Variants in TCF7L1 observed in about 807,000 individuals in gnomAD.
TCF7L1 encodes transcription factor 7-like 1.
TCF7L1 carries 18 observed loss-of-function variants against 63.7 expected under a neutral mutation model. The ratio of observed to expected loss-of-function variants is 0.28; its 90% CI spans 0.20 to 0.42. The LOEUF (loss-of-function observed/expected upper bound fraction) is 0.42. TCF7L1 is among the 10% of genes least tolerant of loss of function. The pLI is 1.00. For synonymous variants in TCF7L1, 355 were observed against 340.9 expected, an observed-to-expected ratio of 1.04 and a Z score of -0.46; for missense variants, 654 against 779.3, an observed-to-expected ratio of 0.84 and a Z score of 1.91.
chr2:85,140,300 T>C (rs973967102), intron 3 of TCF7L1, among the ~76,000 whole-genome samples: 6 of 152,092 alleles, frequency 3.9e-5, no homozygotes, highest in Non-Finnish European at 7.4e-5. Context: ...CTCGGTTTCA[T>C]TGGAGACACG....
intron 3 of TCF7L1, among the ~76,000 whole-genome samples, chr2:85,178,531 G>T (rs1318143058): frequency 6.6e-6 from 1 of 152,204 alleles, no homozygotes; most frequent in African/African-American, 2.4e-5. Context: ...TGTGTGGAAG[G>T]CAGCGGGGCT....
chr2:85,291,141 A>G lies in TCF7L1; in HGVS notation c.525+7563A>G, dbSNP rs921771339. On this transcript the variant is annotated intron_variant, in intron 4 of 11. Transcript: ENST00000282111. ...ATCCATGCTTCACAGCCCCAGTCTC[A>G]TTATCTGATCGTCCAGCCACACCAT... Among the ~76,000 whole-genome samples the G allele has an allele frequency of 3.2e-4, 49 of 152,308 alleles. 1 individual carries two copies. The highest frequency in any genetic ancestry group is 1.1e-3 in the African/African-American group (46 of 41,574).
intron 3 of TCF7L1, among the ~76,000 whole-genome samples, chr2:85,213,985 C>T (rs1211954911): frequency 6.6e-6 from 1 of 152,214 alleles, no homozygotes; most frequent in Non-Finnish European, 1.5e-5. Context: ...CAGTGGGATG[C>T]TCCTGCTGCC....
At chr2:85,308,485 C>T in intron 11 of TCF7L1, among the ~76,000 whole-genome samples, 1 of 57,348 alleles carries the variant, frequency 1.7e-5, no homozygotes, top group African/African-American at 6.4e-5. Flanking sequence ...CCCCCTCCTT[C>T]CCTCCCTTCC....
At chr2:85,139,947 G>A (rs774785950) in intron 3 of TCF7L1, among the ~76,000 whole-genome samples, 2 of 152,204 alleles carry the variant, frequency 1.3e-5, no homozygotes, top group Non-Finnish European at 1.5e-5. Context: ...GATAATGGTG[G>A]ATTGGAGGAC....
At chr2:85,194,287 G>A (rs1679102685) in intron 3 of TCF7L1, among the ~76,000 whole-genome samples, 2 of 152,106 alleles carry the variant, frequency 1.3e-5, no homozygotes, top group East Asian at 1.9e-4. Context: ...CAGCACTTTG[G>A]GGAGGCCAAG....
chr2:85,171,481 T>C (rs1208414415), intron 3 of TCF7L1, among the ~76,000 whole-genome samples: 1 of 152,216 alleles, frequency 6.6e-6, no homozygotes, highest in Admixed American at 6.5e-5. Context: ...GAGAGCTTTG[T>C]GGTGTGTACT....
Position 85,256,566 on chromosome 2 carries a change from A to G in TCF7L1, c.442-26929A>G, listed in dbSNP as rs116469800. ...GTGGGGCCTTGTGTGTGTAGGCGGG[A>G]CACTGGGAGGGGTCGGCTCACAGCT... is the stretch of plus-strand genomic sequence containing the variant. On this transcript the variant is annotated intron_variant, in intron 3 of 11. Transcript: ENST00000282111. 8.9e-3 allele frequency among the ~76,000 whole-genome samples: 1,355 copies of G among 152,328 alleles called. 14 individuals are homozygous for G. Among genetic ancestry groups the G allele is most frequent in the African/African-American group, 0.031 (1,303 of 41,566 alleles).
intron 3 of TCF7L1, among the ~76,000 whole-genome samples, chr2:85,173,374 C>G (rs1358022853): frequency 6.6e-6 from 1 of 151,990 alleles, no homozygotes; most frequent in Admixed American, 6.6e-5. Context: ...CACAGCCTGA[C>G]AGGGAGCACT....
chr2:85,201,835 T>C (rs1268980566), intron 3 of TCF7L1, among the ~76,000 whole-genome samples: 1 of 152,218 alleles, frequency 6.6e-6, no homozygotes, highest in Non-Finnish European at 1.5e-5. Flanking sequence ...TGTAGTTTGG[T>C]TTACCTTTTC....
At chr2:85,192,381 C>G (rs1055458336) in intron 3 of TCF7L1, among the ~76,000 whole-genome samples, 3 of 152,060 alleles carry the variant, frequency 2.0e-5, no homozygotes, top group Non-Finnish European at 4.4e-5. Flanking sequence ...ACATGTAGAG[C>G]TCTAATTTTA....
chr2:85,163,403 T>C (rs1391213923), intron 3 of TCF7L1, among the ~76,000 whole-genome samples: 2 of 152,118 alleles, frequency 1.3e-5, no homozygotes, highest in African/African-American at 4.8e-5. Context: ...CTGGATTCCC[T>C]ATGCCCCTCC....
At chr2:85,277,772 G>A (rs745571984) in intron 3 of TCF7L1, among the ~76,000 whole-genome samples, 2 of 152,228 alleles carry the variant, frequency 1.3e-5, no homozygotes, top group South Asian at 2.1e-4. Context: ...GTGGGGAGCT[G>A]TGGATTCTGT....
intron 3 of TCF7L1, among the ~76,000 whole-genome samples, chr2:85,198,162 T>G (rs1416371210): frequency 6.6e-6 from 1 of 152,256 alleles, no homozygotes; most frequent in Non-Finnish European, 1.5e-5. Context: ...CATGTGGTAT[T>G]GCTGCGACTT....
chr2:85,211,671 C>A (rs1679548924), intron 3 of TCF7L1, among the ~76,000 whole-genome samples: 1 of 152,200 alleles, frequency 6.6e-6, no homozygotes, highest in Non-Finnish European at 1.5e-5. Context: ...AGGGGAGACC[C>A]CACATGGCAG....
Position 85,133,757 on chromosome 2 carries a change from G to C in TCF7L1, c.73G>C (p.Ala25Pro). 1 of 1,239,424 alleles carries C rather than the reference G, an allele frequency of 8.1e-7. No individual in the cohort carries two copies. Among genetic ancestry groups the C allele is most frequent in the Non-Finnish European group, 1.0e-6 (1 of 991,318 alleles). 76.8% of individuals were successfully genotyped at this position (1,239,424 alleles called of 1,614,324 possible). A position where few individuals can be genotyped will look rare whatever the true frequency, so the allele number is the denominator to read the frequency against. ...SGGGGGSSAG[A>P]AGGGDDLGAN... Reference sequence around the variant, plus strand: ...GGGAGGCGGCGGCTCCAGCGCCGGGGCGGCCGGCGGAGGGGACGACCTCGG... The same window carrying C: ...GGGAGGCGGCGGCTCCAGCGCCGGGCCGGCCGGCGGAGGGGACGACCTCGG... The change falls in exon 1 of 12, where the codon GCG (alanine) becomes CCG (proline). Residue 25 changes from alanine (A) to proline (P), a missense_variant. Coordinates refer to ENST00000282111, the MANE Select transcript of TCF7L1 (RefSeq NM_031283.3). The surrounding 1 kb of genome is among the most constrained non-coding windows in gnomAD (Gnocchi z 4.4).
At chr2:85,253,005 C>G (rs1680632077) in intron 3 of TCF7L1, among the ~76,000 whole-genome samples, 1 of 152,262 alleles carries the variant, frequency 6.6e-6, no homozygotes, top group South Asian at 2.1e-4. Flanking sequence ...CACTCCCAAC[C>G]AAAGCATGTC....
chr2:85,217,833 T>C (rs1679744718), intron 3 of TCF7L1, among the ~76,000 whole-genome samples: 1 of 152,240 alleles, frequency 6.6e-6, no homozygotes, highest in Non-Finnish European at 1.5e-5. Context: ...CCAGTCAGCA[T>C]CTCATTTGAG....
rs149152041 is a variant in TCF7L1, at chr2:85,306,523, G to T, written c.1221G>T (p.Ser407=). ...CCCGGAAGGAGCGGCAGCTTCACTC[G>T]CAGCTCTACCCAACCTGGTCAGCCC... ...ELARKERQLH[S]QLYPTWSARD... The change falls in exon 10 of 12, where the codon TCG becomes TCT. Residue 407 remains serine, a synonymous_variant. Transcript: ENST00000282111. The surrounding 1 kb of genome is among the most constrained non-coding windows in gnomAD (Gnocchi z 4.3). The T allele has an allele frequency of 1.4e-5, 23 of 1,614,168 alleles. No homozygotes were observed. Among genetic ancestry groups the T allele is most frequent in the Non-Finnish European group, 1.9e-5 (22 of 1,180,032 alleles).
Sources: gnomAD v4.1 joint callset for allele counts (sites outside exome capture counted in the v4.1 genomes callset) on GRCh38, gnomAD v4.1.1 for gene constraint, Gnocchi (gnomAD v3.1) non-coding constraint, MANE v1.5 for transcripts, NCBI Gene and HGNC (gene_info 2026-07-23, HGNC 2026-07-21) for gene names.